FMNL1: variants seen among roughly 807,000 people sequenced by gnomAD.
FMNL1 encodes formin like 1.
In FMNL1, 43 loss-of-function variants were observed where a neutral mutation model predicts 121.3. That is an observed-to-expected ratio of 0.35 (90% CI 0.28 to 0.46). The LOEUF is 0.46. Ranked by LOEUF, FMNL1 falls within the 20% of genes least tolerant of loss-of-function variation. FMNL1 has a pLI of 1.00. For synonymous variants in FMNL1, 613 were observed against 613.5 expected (o/e 1.00, Z 0.01); for missense variants, 1,191 against 1,482.4 (o/e 0.80, Z 3.23).
Position 45,245,078 on chromosome 17 carries a change from G to T in FMNL1, c.2698G>T (p.Asp900Tyr). 2.5e-6 allele frequency: 4 copies of T among 1,614,160 alleles called. No homozygotes were observed. The highest frequency in any genetic ancestry group is 2.2e-5 in the South Asian group (2 of 91,082). ...KYPQLTGFHS[D>Y]LHFLDKAGSV... ...CCCGCAACTCACAGGCTTCCACAGC[G>T]ACCTGCACTTCCTGGACAAGGCGGG... The change falls in exon 21 of 27, where the codon GAC (aspartate) becomes TAC (tyrosine). Residue 900 changes from aspartate to tyrosine, a missense_variant. Physicochemically the swap from Asp to Tyr is radical, Grantham distance 160. This residue lies in a region of FMNL1 where 367 missense variants were observed against 528.6 expected (regional missense o/e 0.69). Coordinates refer to ENST00000331495, the MANE Select transcript of FMNL1 (RefSeq NM_005892.4).
rs2043791415 is a variant in FMNL1, at chr17:45,244,808, G to C, written c.2518-11G>C. The C allele has an allele frequency of 6.2e-7, 1 of 1,607,298 alleles. No homozygotes were observed. The highest frequency in any genetic ancestry group is 1.7e-5 in the Admixed American group (1 of 58,796). ...TGGCATTCTGCTGAGCCTTTCTCCT[G>C]CCTCTCCCAGATTGTCCTGGCCTTT... is the stretch of plus-strand genomic sequence containing the variant. On this transcript the variant is annotated splice_polypyrimidine_tract_variant and intron_variant, in intron 19 of 26. Coordinates refer to ENST00000331495, the MANE Select transcript of FMNL1 (RefSeq NM_005892.4).
Position 45,233,118 on chromosome 17 carries a change from G to A in FMNL1, c.328-106G>A, listed in dbSNP as rs748579136. Reference sequence around the variant, plus strand: ...GGAGGCTGAGCATGAAAGGCCACTTGTGCCAGTTGGAGGAGGGTGGGCGCT... The same window carrying A: ...GGAGGCTGAGCATGAAAGGCCACTTATGCCAGTTGGAGGAGGGTGGGCGCT... On this transcript the variant is annotated intron_variant, in intron 3 of 26. Coordinates refer to ENST00000331495, the MANE Select transcript of FMNL1 (RefSeq NM_005892.4). This position sits in a 1 kb window ranked among gnomAD's most constrained non-coding sequence, Gnocchi z 4.1. 23 of 1,121,686 alleles carry A rather than the reference G, an allele frequency of 2.1e-5. No individual in the cohort carries two copies. In the African/African-American group the frequency reaches 2.8e-4, roughly 14 times the overall value. The allele number at this position is 1,121,686 out of a possible 1,614,324, so 69.5% of individuals were successfully genotyped here. A position where few individuals can be genotyped will look rare whatever the true frequency, so the allele number is the denominator to read the frequency against.
Position 45,244,845 on chromosome 17 carries a change from G to T in FMNL1, c.2544G>T (p.Met848Ile). The change falls in exon 20 of 27, where the codon ATG (methionine) becomes ATT (isoleucine). Residue 848 changes from methionine to isoleucine, a missense_variant. By Grantham distance (10) the Met-to-Ile change is conservative (BLOSUM62 1). Transcript: ENST00000331495. Reference sequence around the variant, plus strand: ...TTGTCCTGGCCTTTGGCAACTACATGAACAGTAGCAAGCGTGGGGCAGCCT... The same window carrying T: ...TTGTCCTGGCCTTTGGCAACTACATTAACAGTAGCAAGCGTGGGGCAGCCT... ...LEIVLAFGNY[M>I]NSSKRGAAYG... 1 of 1,613,764 alleles carries T rather than the reference G, an allele frequency of 6.2e-7. No individual in the cohort carries two copies. The highest frequency in any genetic ancestry group is 1.1e-5 in the South Asian group (1 of 91,010).
rs1410084560 is a variant in FMNL1 at position 45,241,836 on chromosome 17, C to T, written c.1586-11C>T. ...TCGCGCCTCCCCCACGCCGCGCCCT[C>T]GCTGGCTCAGATCTCGCACCTGCAG... is the stretch of plus-strand genomic sequence containing the variant. On this transcript the variant is annotated splice_polypyrimidine_tract_variant and intron_variant, in intron 14 of 26. Coordinates refer to ENST00000331495, the MANE Select transcript of FMNL1 (RefSeq NM_005892.4). This position sits in a 1 kb window ranked among gnomAD's most constrained non-coding sequence, Gnocchi z 7.0. The T allele has an allele frequency of 4.9e-6, 7 of 1,419,806 alleles. No individual in the cohort carries two copies. The highest frequency in any genetic ancestry group is 4.5e-5 in the African/African-American group (3 of 66,858). 88.0% of individuals were successfully genotyped at this position (1,419,806 alleles called of 1,614,324 possible).
intron 1 of FMNL1, 131 bp downstream of exon 1, chr17:45,222,384 C>G: frequency 1.3e-6 from 1 of 773,340 alleles, no homozygotes; most frequent in Non-Finnish European, 1.7e-6. Context: ...GCTGCCCCCT[C>G]CAGGAGGTGG....
At chr17:45,240,425 C>T (rs754018750) in intron 11 of FMNL1, 51 bp from the exon 12 acceptor site, 3 of 1,509,758 alleles carry the variant, frequency 2.0e-6, no homozygotes, top group Non-Finnish European at 1.8e-6. Context: ...GGAAAGACTC[C>T]CCCCCACACA....
chr17:45,221,996 C>A lies in FMNL1; in HGVS notation c.-129C>A. ...CCGCTGAGCCGAGCGCCCCCCGCTG[C>A]CGAGACCCCCGCCGCCACCGCCAGC... On this transcript the variant is annotated 5_prime_UTR_variant, in exon 1 of 27. Coordinates refer to ENST00000331495, the MANE Select transcript of FMNL1 (RefSeq NM_005892.4). The A allele has an allele frequency of 1.4e-6, 1 of 704,734 alleles. No homozygotes were observed. Among genetic ancestry groups the A allele is most frequent in the South Asian group, 6.8e-5 (1 of 14,774 alleles). 43.7% of individuals were successfully genotyped at this position (704,734 alleles called of 1,614,324 possible). A position where few individuals can be genotyped will look rare whatever the true frequency, so the allele number is the denominator to read the frequency against.
chr17:45,237,767 A>G lies in FMNL1; in HGVS notation c.894+128A>G, dbSNP rs544336732. On this transcript the variant is annotated intron_variant, in intron 9 of 26. Transcript: ENST00000331495. The surrounding 1 kb of genome is among the most constrained non-coding windows in gnomAD (Gnocchi z 4.4). ...GGTGGGCATTTGGGGAACGCCCAAA[A>G]GTTGAAGTTGAGCCACATCACTGGC... 6.1e-4 allele frequency: 590 copies of G among 973,326 alleles called. 1 individual carries two copies. In the African/African-American group the frequency reaches 8.4e-3, roughly 14 times the overall value. The allele number at this position is 973,326 out of a possible 1,614,324, so 60.3% of individuals were successfully genotyped here. A position where few individuals can be genotyped will look rare whatever the true frequency, so the allele number is the denominator to read the frequency against.
Position 45,244,009 on chromosome 17 carries a change from C to T in FMNL1, c.2432C>T (p.Ala811Val). 1 of 1,609,672 alleles carries T rather than the reference C, an allele frequency of 6.2e-7. No individual in the cohort carries two copies. The highest frequency in any genetic ancestry group is 8.5e-7 in the Non-Finnish European group (1 of 1,178,636). Reference protein sequence around the residue: ...LTFLGNFPDTAQLLMPQLNAI... With the variant: ...LTFLGNFPDTVQLLMPQLNAI... ...TTCCTGGGCAACTTCCCGGACACAG[C>T]CCAGCTGCTCATGCCGGTGTGGGCG... is the stretch of plus-strand genomic sequence containing the variant. The change falls in exon 18 of 27, where the codon GCC (alanine) becomes GTC (valine). Residue 811 changes from alanine (A) to valine (V), a missense_variant. This residue lies in a region of FMNL1 where 367 missense variants were observed against 528.6 expected (regional missense o/e 0.69). Transcript: ENST00000331495.
In FMNL1 at chr17:45,241,423, TC is replaced by T. The variant is rs1442741924; in HGVS notation, c.1379del (p.Pro460GlnfsTer19). The T allele has an allele frequency of 6.4e-7, 1 of 1,561,910 alleles. No individual in the cohort carries two copies. Among genetic ancestry groups the T allele is most frequent in the Non-Finnish European group, 8.7e-7 (1 of 1,153,926 alleles). ...ESTAMGPSRR[P>X]PEPEKAPPAA... Reference sequence around the variant, plus strand: ...CGACCGCCATGGGGCCCTCCAGGCGTCCCCCAGAGCCTGAGAAAGCGCCTCC... The same window carrying T: ...CGACCGCCATGGGGCCCTCCAGGCGTCCCCAGAGCCTGAGAAAGCGCCTCC... On this transcript the variant is annotated frameshift_variant, in exon 14 of 27. Coordinates refer to ENST00000331495, the MANE Select transcript of FMNL1 (RefSeq NM_005892.4). LOFTEE classifies it high-confidence loss of function. This position sits in a 1 kb window ranked among gnomAD's most constrained non-coding sequence, Gnocchi z 7.0.
Position 45,241,537 on chromosome 17 carries a change from G to A in FMNL1, c.1488G>A (p.Gly496=), listed in dbSNP as rs1020569640. The change falls in exon 14 of 27, where the codon GGG becomes GGA. Residue 496 remains glycine (G), a synonymous_variant. Transcript: ENST00000331495. This position sits in a 1 kb window ranked among gnomAD's most constrained non-coding sequence, Gnocchi z 7.0. ...KGLIRILRGP[G]DAVSIEILPV... ...TAATCCGTATTCTGCGGGGGCCGGG[G>A]GATGCTGTCTCCATCGAGATCCTCC... 7 of 1,576,908 alleles carry A rather than the reference G, an allele frequency of 4.4e-6. No homozygotes were observed. The highest frequency in any genetic ancestry group is 1.3e-5 in the African/African-American group (1 of 74,512).
At position 45,233,846 on chromosome 17, in the gene FMNL1, GA is replaced by G; in HGVS notation, c.485+117del. Reference sequence around the variant, plus strand: ...AGCCAGGCAGCCCGAGCCTACCCTGGAACCCTCCACTTGGCCTTGAGCGATG... The same window carrying G: ...AGCCAGGCAGCCCGAGCCTACCCTGGACCCTCCACTTGGCCTTGAGCGATG... On this transcript the variant is annotated intron_variant, in intron 5 of 26. Coordinates refer to ENST00000331495, the MANE Select transcript of FMNL1 (RefSeq NM_005892.4). The surrounding 1 kb of genome is among the most constrained non-coding windows in gnomAD (Gnocchi z 4.1). 3 of 1,432,678 alleles carry G rather than the reference GA, an allele frequency of 2.1e-6. No homozygotes were observed. The highest frequency in any genetic ancestry group is 2.8e-6 in the Non-Finnish European group (3 of 1,056,640). The allele number at this position is 1,432,678 out of a possible 1,614,324, so 88.7% of individuals were successfully genotyped here. A position where few individuals can be genotyped will look rare whatever the true frequency, so the allele number is the denominator to read the frequency against.
intron 6 of FMNL1, 53 bp from the exon 7 acceptor site, chr17:45,236,083 C>A: frequency 6.8e-7 from 1 of 1,464,420 alleles, no homozygotes; most frequent in Non-Finnish European, 9.4e-7. Flanking sequence ...GGTGGGGAAA[C>A]AGGAAGCTGG....
intron 6 of FMNL1, chr17:45,234,683 A>AAAAAAG (rs2043514781): frequency 6.3e-6 from 1 of 157,878 alleles, no homozygotes; most frequent in Non-Finnish European, 1.3e-5. Context: ...AAAAAAAAAA[A>AAAAAAG]AAAAGAAAAG....
rs557664184 is a variant in FMNL1, at chr17:45,237,042, C to A, written c.724-239C>A. 9.9e-5 allele frequency among the ~76,000 whole-genome samples: 15 copies of A among 152,214 alleles called. No individual in the cohort carries two copies. In the South Asian group the frequency reaches 2.9e-3, roughly 29 times the overall value. Reference sequence around the variant, plus strand: ...CTGAGTCAGGAGAATCACTTGAACCCGGGAGGCAGAGACTGCGGTGAGCTG... The same window carrying A: ...CTGAGTCAGGAGAATCACTTGAACCAGGGAGGCAGAGACTGCGGTGAGCTG... On this transcript the variant is annotated intron_variant, in intron 7 of 26. Coordinates refer to ENST00000331495, the MANE Select transcript of FMNL1 (RefSeq NM_005892.4). The surrounding 1 kb of genome is among the most constrained non-coding windows in gnomAD (Gnocchi z 4.4).
chr17:45,227,116 G>T (rs980122759), intron 1 of FMNL1, among the ~76,000 whole-genome samples: 1 of 152,074 alleles, frequency 6.6e-6, no homozygotes, highest in African/African-American at 2.4e-5. Flanking sequence ...GGCCCATCGG[G>T]CTGAGGAAAG....
At chr17:45,244,375 A>G in intron 19 of FMNL1, 131 bp downstream of exon 19, 1 of 1,202,802 alleles carries the variant, frequency 8.3e-7, no homozygotes, top group South Asian at 1.4e-5. Flanking sequence ...AGAAGGACAA[A>G]TCTAAGGGTG....
chr17:45,222,291 G>A, intron 1 of FMNL1, 38 bp downstream of exon 1: 1 of 1,159,218 alleles, frequency 8.6e-7, no homozygotes, highest in Non-Finnish European at 1.1e-6. Context: ...CGCGGGCGGG[G>A]GGCGGCAGGG....
rs1180685658 is a variant in FMNL1, at chr17:45,246,494, C to T, written c.3212-11C>T. 1 of 1,614,158 alleles carries T rather than the reference C, an allele frequency of 6.2e-7. No individual in the cohort carries two copies. The highest frequency in any genetic ancestry group is 8.5e-7 in the Non-Finnish European group (1 of 1,179,986). On this transcript the variant is annotated splice_polypyrimidine_tract_variant and intron_variant, in intron 25 of 26. Coordinates refer to ENST00000331495, the MANE Select transcript of FMNL1 (RefSeq NM_005892.4). ...TCTCTACTCCCCTTCACCTGCCCCACCCCCACTCAGTGATCAAGACGGTGC... is the reference window on the plus strand; with the variant it reads ...TCTCTACTCCCCTTCACCTGCCCCATCCCCACTCAGTGATCAAGACGGTGC...
Sources: allele counts gnomAD v4.1 joint callset (sites outside exome capture counted in the v4.1 genomes callset), GRCh38; gene constraint gnomAD v4.1.1; regional missense constraint gnomAD v4.1.1; non-coding constraint Gnocchi (gnomAD v3.1); transcripts MANE v1.5; gene names NCBI Gene and HGNC (gene_info 2026-07-23, HGNC 2026-07-21).